The following ZC4H2 variants were observed in gnomAD, a reference collection of about 807,000 sequenced individuals.
ZC4H2 encodes zinc finger C4H2 domain-containing protein.
For synonymous variants in ZC4H2, 84 were observed against 66.3 expected (o/e 1.27, Z -1.30); for missense variants, 137 against 173.9 (o/e 0.79, Z 1.19).
chrX:64,979,086 A>C (rs995329859), upstream of ZC4H2, among the ~76,000 whole-genome samples: 1 of 111,783 alleles, frequency 8.9e-6, no homozygotes, highest in Non-Finnish European at 1.9e-5. Context: ...TTCAAGCCTC[A>C]CCGAAATCCT....
At chrX:64,944,495 C>T (rs1930441979) in intron 1 of ZC4H2, among the ~76,000 whole-genome samples, 1 of 111,418 alleles carries the variant, frequency 9.0e-6, no homozygotes, top group Non-Finnish European at 1.9e-5. Flanking sequence ...ACCTTTTTCT[C>T]TGTCTGCCTT....
At chrX:65,025,459 T>C (rs750408864) in intron 1 of ZC4H2, among the ~76,000 whole-genome samples, 4 of 111,388 alleles carry the variant, frequency 3.6e-5, no homozygotes, top group Non-Finnish European at 7.5e-5. Context: ...CAGACTTTGG[T>C]TATCTAAATG....
intron 1 of ZC4H2, among the ~76,000 whole-genome samples, chrX:64,982,304 TTAC>T (rs1932098004): frequency 8.9e-6 from 1 of 112,184 alleles, no homozygotes; most frequent in Non-Finnish European, 1.9e-5. Context: ...GGGCTGAGTC[TTAC>T]CAGGTTCCCT....
chrX:64,991,815 C>T (rs1052834641), intron 1 of ZC4H2, among the ~76,000 whole-genome samples: 5 of 111,951 alleles, frequency 4.5e-5, no homozygotes, highest in East Asian at 5.6e-4. Context: ...AGGTGTGGTC[C>T]GTCTTTACAA....
At chrX:64,934,127 C>G (rs1405941899) in intron 1 of ZC4H2, among the ~76,000 whole-genome samples, 2 of 112,059 alleles carry the variant, frequency 1.8e-5, no homozygotes, top group Non-Finnish European at 3.8e-5. Flanking sequence ...GGAGAGAAGA[C>G]CTGCTATTCA....
chrX:64,951,885 T>C (rs1363397097), intron 1 of ZC4H2, among the ~76,000 whole-genome samples: 1 of 111,693 alleles, frequency 9.0e-6, no homozygotes, highest in Non-Finnish European at 1.9e-5. Flanking sequence ...AATTCGTATG[T>C]CCTGAATGGT....
At chrX:64,935,566 C>T (rs750932560) in intron 1 of ZC4H2, among the ~76,000 whole-genome samples, 1 of 112,013 alleles carries the variant, frequency 8.9e-6, no homozygotes, top group Non-Finnish European at 1.9e-5. Context: ...ACTCCTCATA[C>T]AGGAGAGCTC....
intron 1 of ZC4H2, among the ~76,000 whole-genome samples, chrX:64,951,342 T>G (rs1438622860): frequency 2.7e-5 from 3 of 111,702 alleles, no homozygotes; most frequent in Non-Finnish European, 5.6e-5. Context: ...GGTCAAATGG[T>G]ATTTCTAGTT....
chrX:65,018,118 A>G (rs1932809413), intron 1 of ZC4H2, among the ~76,000 whole-genome samples: 1 of 112,668 alleles, frequency 8.9e-6, no homozygotes, highest in Non-Finnish European at 1.9e-5. Flanking sequence ...AGGAACTTAA[A>G]TCAACAAGCA....
chrX:64,947,884 T>A (rs1431939599), intron 1 of ZC4H2, among the ~76,000 whole-genome samples: 1 of 110,113 alleles, frequency 9.1e-6, no homozygotes, highest in Non-Finnish European at 1.9e-5. Flanking sequence ...TTCCATGAAG[T>A]GGCTGTGCTG....
intron 1 of ZC4H2, among the ~76,000 whole-genome samples, chrX:64,930,650 TATGTG>T (rs1360970356): frequency 8.9e-6 from 1 of 112,402 alleles, no homozygotes; most frequent in Non-Finnish European, 1.9e-5. Context: ...TGATTCTGTT[TATGTG>T]ATGTATCACA....
chrX:64,943,347 C>T (rs780272433), intron 1 of ZC4H2, among the ~76,000 whole-genome samples: 442 of 111,674 alleles, frequency 4.0e-3, no homozygotes, highest in Middle Eastern at 9.3e-3. Context: ...CTATTAGGTC[C>T]GCTTGGGCTA....
intron 1 of ZC4H2, among the ~76,000 whole-genome samples, chrX:64,942,207 G>A (rs1930321145): frequency 2.7e-5 from 3 of 111,174 alleles, no homozygotes; most frequent in Non-Finnish European, 3.8e-5. Context: ...TTCTCTGATG[G>A]TAGTTTTTAT....
chrX:65,013,095 T>C (rs1932772862), intron 1 of ZC4H2, among the ~76,000 whole-genome samples: 1 of 110,943 alleles, frequency 9.0e-6, no homozygotes, highest in Admixed American at 9.6e-5. Flanking sequence ...AAAATGGAAA[T>C]GGATACCGTG....
chrX:64,934,214 C>T (rs925752002), intron 1 of ZC4H2, among the ~76,000 whole-genome samples: 1 of 112,355 alleles, frequency 8.9e-6, no homozygotes, highest in Admixed American at 9.4e-5. Flanking sequence ...AAACAGATTG[C>T]AGTGACTGGA....
intron 1 of ZC4H2, among the ~76,000 whole-genome samples, chrX:65,015,019 T>C (rs372861349): frequency 8.9e-6 from 1 of 111,881 alleles, no homozygotes; most frequent in East Asian, 2.8e-4. Flanking sequence ...TGGCTAATCA[T>C]TGGTGGCAAA....
intron 1 of ZC4H2, among the ~76,000 whole-genome samples, chrX:64,948,195 G>A (rs1270174375): frequency 1.8e-5 from 2 of 111,026 alleles, no homozygotes; most frequent in South Asian, 3.8e-4. Context: ...TTCTTTGGGC[G>A]AATTTCTCAT....
chrX:64,936,283 A>G (rs1388421530), intron 1 of ZC4H2, among the ~76,000 whole-genome samples: 3 of 111,270 alleles, frequency 2.7e-5, no homozygotes, highest in African/African-American at 9.8e-5. Context: ...TGAAAAGACC[A>G]AACCTACGTT....
intron 1 of ZC4H2, among the ~76,000 whole-genome samples, chrX:64,999,836 T>A (rs765099096): frequency 3.6e-4 from 40 of 112,228 alleles, no homozygotes; most frequent in Non-Finnish European, 6.6e-4. Flanking sequence ...ATGTTCAAAC[T>A]GGGCAGAGCC....
Sources: allele counts gnomAD v4.1 joint callset (sites outside exome capture counted in the v4.1 genomes callset), GRCh38; gene constraint gnomAD v4.1.1; transcripts MANE v1.5; gene names NCBI Gene and HGNC (gene_info 2026-07-23, HGNC 2026-07-21).